GRTP1: variants seen among roughly 807,000 people sequenced by gnomAD.
GRTP1 encodes growth hormone regulated TBC protein 1, also known as growth hormone-regulated TBC protein 1.
GRTP1 carries 56 observed loss-of-function variants against 38.1 expected under a neutral mutation model. The observed-to-expected ratio is 1.47, with a 90% CI of 1.19 to 1.84. GRTP1 has a LOEUF of 1.84. Ranked by LOEUF, GRTP1 falls within the 40% of genes most tolerant of loss-of-function variation. The pLI, the probability that GRTP1 is intolerant of heterozygous loss-of-function variation, is 0.00. For synonymous variants in GRTP1, 217 were observed against 189.5 expected, an observed-to-expected ratio of 1.14 and a Z score of -1.19; for missense variants, 506 against 453.9, an observed-to-expected ratio of 1.11 and a Z score of -1.04.
At chr13:113,324,889 C>A in intron 7 of GRTP1, 1 of 833,016 alleles carries the variant, frequency 1.2e-6, no homozygotes, top group Non-Finnish European at 1.5e-6. Flanking sequence ...TGCAGTGGCG[C>A]GATCTCGGCT....
intron 2 of GRTP1, chr13:113,359,747 C>T (rs1013670152): frequency 6.6e-6 from 1 of 152,158 alleles, no homozygotes; most frequent in Non-Finnish European, 1.5e-5. Flanking sequence ...CACCCAAGGC[C>T]CCCGAGCAGC....
intron 5 of GRTP1, among the ~76,000 whole-genome samples, chr13:113,333,112 G>A (rs2139415366): frequency 6.6e-6 from 1 of 152,382 alleles, no homozygotes; most frequent in African/African-American, 2.4e-5. Flanking sequence ...ATTTCGAGGA[G>A]AGGGGCCCAG....
In GRTP1 at chr13:113,346,642, G is replaced by C. The variant is rs1210450443; in HGVS notation, c.466-1683C>G. 4.8e-3 allele frequency among the ~76,000 whole-genome samples: 7 copies of C among 1,460 alleles called. 1 individual carries two copies. The highest frequency in any genetic ancestry group is 5.2e-3 in the African/African-American group (7 of 1,350). 1.0% of individuals were successfully genotyped at this position (1,460 alleles called of 152,430 possible). A position where few individuals can be genotyped will look rare whatever the true frequency, so the allele number is the denominator to read the frequency against. On this transcript the variant is annotated intron_variant, in intron 4 of 7. Coordinates refer to ENST00000375431, the MANE Select transcript of GRTP1 (RefSeq NM_024719.4). ...GACCCGGGAGGACCTCTGTGGCTGA[G>C]AGCGGACCTGGGAGGACCTCTGTGG...
intron 4 of GRTP1, among the ~76,000 whole-genome samples, chr13:113,350,479 A>T (rs2043241898): frequency 7.7e-6 from 1 of 130,210 alleles, no homozygotes; most frequent in Non-Finnish European, 1.6e-5. Context: ...CACATATCCC[A>T]TACACACACC....
intron 3 of GRTP1, 29 bp downstream of exon 3, chr13:113,355,294 G>A (rs2043362975): frequency 1.2e-6 from 2 of 1,609,782 alleles, no homozygotes; most frequent in African/African-American, 2.7e-5. Flanking sequence ...CCCGGGCCCT[G>A]CACCAGAGCT....
In GRTP1 at chr13:113,363,835, C is replaced by A; in HGVS notation, c.108G>T (p.Leu36=). The A allele has an allele frequency of 1.2e-6, 2 of 1,612,032 alleles. No homozygotes were observed. Among genetic ancestry groups the A allele is most frequent in the Non-Finnish European group, 1.7e-6 (2 of 1,179,600 alleles). The change falls in exon 2 of 8, where the codon CTG becomes CTT. Residue 36 remains leucine, a synonymous_variant. Transcript: ENST00000375431. Reference sequence around the variant, plus strand: ...TGATCGCCCTGCGGGTGAGCGTGACCAGGTAGCTGGAGAAAAACTTCTCGT... The same window carrying A: ...TGATCGCCCTGCGGGTGAGCGTGACAAGGTAGCTGGAGAAAAACTTCTCGT... The part of the protein sequence containing the change: ...AAYEKFFSSY[L]VTLTRRAIKW...
chr13:113,335,039 G>T (rs1379285175), intron 5 of GRTP1, among the ~76,000 whole-genome samples: 2 of 151,792 alleles, frequency 1.3e-5, no homozygotes, highest in Admixed American at 1.3e-4. Context: ...AGCCAGGATG[G>T]TCTCGATCTC....
At chr13:113,356,712 AT>A (rs2043394347) in intron 2 of GRTP1, among the ~76,000 whole-genome samples, 1 of 152,248 alleles carries the variant, frequency 6.6e-6, no homozygotes, top group African/African-American at 2.4e-5. Context: ...ATAAAAACTC[AT>A]AACTTTATAG....
At chr13:113,345,676 A>AG (rs1234880753) in intron 4 of GRTP1, among the ~76,000 whole-genome samples, 1 of 152,204 alleles carries the variant, frequency 6.6e-6, no homozygotes, top group Non-Finnish European at 1.5e-5. Context: ...GGAAGTGCGG[A>AG]GGGGCAGCTG....
At chr13:113,347,472 G>A (rs78796242) in intron 4 of GRTP1, among the ~76,000 whole-genome samples, 82 of 104,474 alleles carry the variant, frequency 7.8e-4, no homozygotes, top group Middle Eastern at 5.4e-3. Context: ...CTCTGTGGCC[G>A]AGAGCAGACC....
chr13:113,344,821 A>C (rs1207970782), intron 5 of GRTP1, 42 bp downstream of exon 5: 4 of 1,566,246 alleles, frequency 2.6e-6, no homozygotes, highest in Non-Finnish European at 3.4e-6. Context: ...GCAGCACCAG[A>C]AACAGGACAG....
chr13:113,334,216 T>C (rs2042921915), intron 5 of GRTP1, among the ~76,000 whole-genome samples: 1 of 151,462 alleles, frequency 6.6e-6, no homozygotes, highest in African/African-American at 2.5e-5. Context: ...AAACTCTCTG[T>C]AGGGTCCGGA....
chr13:113,333,874 T>TGC (rs33972835), intron 5 of GRTP1, among the ~76,000 whole-genome samples: 52,105 of 134,784 alleles, frequency 0.39, 11,331 homozygotes, highest in East Asian at 0.49. Context: ...TGTGTGTGTG[T>TGC]CCGAGGCTGG....
rs1282462985 is a variant in GRTP1, at chr13:113,343,592, C to T, written c.562+1271G>A. On this transcript the variant is annotated intron_variant, in intron 5 of 7. Coordinates refer to ENST00000375431, the MANE Select transcript of GRTP1 (RefSeq NM_024719.4). The surrounding 1 kb of genome is among the most constrained non-coding windows in gnomAD (Gnocchi z 4.8). ...CTGAACCAGGCTCTGCCATGTACAG[C>T]GGTGGTCAGGCCAGCACGCAAATTC... Among the ~76,000 whole-genome samples, 14 of 152,340 alleles carry T rather than the reference C, an allele frequency of 9.2e-5. No individual in the cohort carries two copies. Among genetic ancestry groups the T allele is most frequent in the Non-Finnish European group, 1.3e-4 (9 of 68,028 alleles).
chr13:113,363,206 G>A (rs1304527355), intron 2 of GRTP1, among the ~76,000 whole-genome samples: 6 of 152,160 alleles, frequency 3.9e-5, no homozygotes, highest in Non-Finnish European at 8.8e-5. Flanking sequence ...GTCGAGCAGG[G>A]CCCTGTGGGT....
intron 5 of GRTP1, among the ~76,000 whole-genome samples, chr13:113,334,224 G>A (rs80206162): frequency 0.058 from 7,324 of 126,186 alleles, 585 homozygotes; most frequent in African/African-American, 0.18. Flanking sequence ...TGTAGGGTCC[G>A]GAGGACCGAG....
intron 2 of GRTP1, chr13:113,361,545 C>T (rs1255811629): frequency 6.6e-6 from 1 of 152,204 alleles, no homozygotes; most frequent in Non-Finnish European, 1.5e-5. Flanking sequence ...TATGCACAAC[C>T]ATACATCTTT....
At chr13:113,337,831 G>A (rs546312012) in intron 5 of GRTP1, among the ~76,000 whole-genome samples, 2 of 152,236 alleles carry the variant, frequency 1.3e-5, no homozygotes, top group African/African-American at 2.4e-5. Context: ...ACGCACCTCC[G>A]ATGTGGCAAT....
At chr13:113,335,212 T>A (rs2042938359) in intron 5 of GRTP1, among the ~76,000 whole-genome samples, 1 of 152,172 alleles carries the variant, frequency 6.6e-6, no homozygotes, top group African/African-American at 2.4e-5. Flanking sequence ...TACATATTAA[T>A]GGTGTCCATG....
Sources: gnomAD v4.1 joint callset for allele counts (sites outside exome capture counted in the v4.1 genomes callset) on GRCh38, gnomAD v4.1.1 for gene constraint, Gnocchi (gnomAD v3.1) non-coding constraint, MANE v1.5 for transcripts, NCBI Gene and HGNC (gene_info 2026-07-23, HGNC 2026-07-21) for gene names.